FMN1: variants seen among roughly 807,000 people sequenced by gnomAD.
FMN1 encodes the protein formin-1.
Under a neutral mutation model 132.4 loss-of-function variants are expected in FMN1, and 110 were observed. The observed-to-expected ratio is 0.83, with a 90% CI of 0.71 to 0.97. The LOEUF (loss-of-function observed/expected upper bound fraction) is 0.97. Among genes scored for constraint, FMN1 ranks in the 50% least tolerant of loss-of-function variants. The pLI is 0.00. For synonymous variants in FMN1, 722 were observed against 651.7 expected (o/e 1.11, Z -1.64); for missense variants, 1,792 against 1,705.3 (o/e 1.05, Z -0.90).
intron 4 of FMN1, among the ~76,000 whole-genome samples, chr15:33,099,367 A>G (rs1011341321): frequency 1.3e-5 from 2 of 152,214 alleles, no homozygotes; most frequent in Non-Finnish European, 2.9e-5. Context: ...AATTGGCATC[A>G]GGAATCATGT....
At chr15:32,916,176 G>GCA (rs1166426279) in intron 10 of FMN1, among the ~76,000 whole-genome samples, 1 of 152,172 alleles carries the variant, frequency 6.6e-6, no homozygotes, top group African/African-American at 2.4e-5. Context: ...CTGCTTTAGG[G>GCA]CACATGCAAG....
At chr15:33,163,988 A>C (rs1173558895) in intron 3 of FMN1, among the ~76,000 whole-genome samples, 3 of 152,126 alleles carry the variant, frequency 2.0e-5, no homozygotes, top group African/African-American at 7.2e-5. Context: ...AGTAGCAAGG[A>C]AGGAGATATT....
intron 17 of FMN1, among the ~76,000 whole-genome samples, chr15:32,849,821 T>G (rs1020120993): frequency 1.3e-5 from 2 of 152,164 alleles, no homozygotes; most frequent in African/African-American, 4.8e-5. Flanking sequence ...CATGTCCGGC[T>G]AATTTTTGTA....
At chr15:32,908,922 G>C (rs1420017335) in intron 11 of FMN1, among the ~76,000 whole-genome samples, 1 of 152,178 alleles carries the variant, frequency 6.6e-6, no homozygotes, top group Admixed American at 6.5e-5. Flanking sequence ...TCTGTAAGGA[G>C]GCTGGGGGAA....
chr15:33,082,047 G>A (rs896516291), intron 5 of FMN1, among the ~76,000 whole-genome samples: 2 of 139,842 alleles, frequency 1.4e-5, no homozygotes, highest in Non-Finnish European at 3.2e-5. Flanking sequence ...GTGTGTGTGT[G>A]TGTGTGTAAG....
chr15:33,058,875 T>C (rs1486670689), intron 6 of FMN1, among the ~76,000 whole-genome samples: 1 of 152,258 alleles, frequency 6.6e-6, no homozygotes, highest in Non-Finnish European at 1.5e-5. Context: ...ATGCATCACC[T>C]TTCTTGCGTA....
intron 4 of FMN1, among the ~76,000 whole-genome samples, chr15:33,107,616 G>A (rs1433100826): frequency 6.6e-6 from 1 of 152,064 alleles, no homozygotes; most frequent in Non-Finnish European, 1.5e-5. Flanking sequence ...TCCCCAGGCT[G>A]TTAAATGGCT....
chr15:32,912,023 TTC>T (rs2060573709), intron 10 of FMN1, among the ~76,000 whole-genome samples: 1 of 152,186 alleles, frequency 6.6e-6, no homozygotes, highest in Non-Finnish European at 1.5e-5. Flanking sequence ...AATCTCAGTA[TTC>T]TCTCACAAAA....
chr15:32,914,957 C>T (rs369748992), intron 10 of FMN1, among the ~76,000 whole-genome samples: 35 of 152,318 alleles, frequency 2.3e-4, no homozygotes, highest in East Asian at 1.9e-3. Flanking sequence ...AACTTAGGGC[C>T]AATGCCAAGT....
intron 15 of FMN1, among the ~76,000 whole-genome samples, chr15:32,889,642 G>C (rs1286127850): frequency 1.3e-5 from 2 of 151,946 alleles, no homozygotes; most frequent in African/African-American, 4.8e-5. Flanking sequence ...ACACTTCCTT[G>C]TTCATACTCA....
At chr15:33,120,285 C>T (rs894621819) in intron 4 of FMN1, among the ~76,000 whole-genome samples, 8 of 152,168 alleles carry the variant, frequency 5.3e-5, no homozygotes, top group Non-Finnish European at 1.0e-4. Context: ...GCACACCCTG[C>T]TAAAGATAGC....
At chr15:33,024,941 T>C (rs2035597451) in intron 6 of FMN1, among the ~76,000 whole-genome samples, 1 of 152,096 alleles carries the variant, frequency 6.6e-6, no homozygotes, top group Non-Finnish European at 1.5e-5. Flanking sequence ...TAACAAACAT[T>C]ATTTTGAGAG....
chr15:33,027,750 G>T lies in FMN1; in HGVS notation c.2162-19675C>A, dbSNP rs2035749415. On this transcript the variant is annotated intron_variant, in intron 6 of 20. Transcript: ENST00000616417. Reference sequence around the variant, plus strand: ...TAAACAATAAAAGAACAAATGAAATGGAGACAACACACACACACGAATATA... The same window carrying T: ...TAAACAATAAAAGAACAAATGAAATTGAGACAACACACACACACGAATATA... Among the ~76,000 whole-genome samples, 3 of 152,232 alleles carry T rather than the reference G, an allele frequency of 2.0e-5. No individual in the cohort carries two copies. The South Asian group carries it at 6.2e-4, about 32-fold the overall frequency.
chr15:32,973,574 T>TCCCCCCCC (rs1244811951), intron 7 of FMN1, among the ~76,000 whole-genome samples: 1 of 142,700 alleles, frequency 7.0e-6, no homozygotes, highest in African/African-American at 2.8e-5. Context: ...TCTCTGCCCC[T>TCCCCCCCC]CACCCCCCCC....
At chr15:32,949,276 T>C (rs2061572772) in intron 9 of FMN1, among the ~76,000 whole-genome samples, 1 of 152,106 alleles carries the variant, frequency 6.6e-6, no homozygotes, top group African/African-American at 2.4e-5. Flanking sequence ...GGCATCACAC[T>C]ACCTGACTTC....
At position 32,953,502 on chromosome 15, in the gene FMN1, T is replaced by C. The variant is rs538649001; in HGVS notation, c.3138+10605A>G. Among the ~76,000 whole-genome samples, 3 of 152,300 alleles carry C rather than the reference T, an allele frequency of 2.0e-5. No individual in the cohort carries two copies. In the South Asian group the frequency reaches 6.2e-4, roughly 32 times the overall value. Reference sequence around the variant, plus strand: ...TTTGTAAGGTCCGTGTTTACAGCCATGCAAATTAGCCTCAGCTGGAGGGAA... The same window carrying C: ...TTTGTAAGGTCCGTGTTTACAGCCACGCAAATTAGCCTCAGCTGGAGGGAA... On this transcript the variant is annotated intron_variant, in intron 9 of 20. Coordinates refer to ENST00000616417, the MANE Select transcript of FMN1 (RefSeq NM_001277313.2).
At chr15:33,116,829 T>TG (rs2039946504) in intron 4 of FMN1, among the ~76,000 whole-genome samples, 1 of 152,202 alleles carries the variant, frequency 6.6e-6, no homozygotes, top group Non-Finnish European at 1.5e-5. Flanking sequence ...CATCTGACTT[T>TG]GGGCAGGTCC....
intron 10 of FMN1, among the ~76,000 whole-genome samples, chr15:32,922,252 C>A (rs1486057858): frequency 6.6e-6 from 1 of 152,134 alleles, no homozygotes; most frequent in Non-Finnish European, 1.5e-5. Flanking sequence ...GGCAAGCAGG[C>A]AGTTTTGTCC....
chr15:32,813,337 C>T (rs571083380), intron 17 of FMN1, among the ~76,000 whole-genome samples: 55 of 152,238 alleles, frequency 3.6e-4, no homozygotes, highest in Non-Finnish European at 6.2e-4. Context: ...TATCAAGTCA[C>T]AGTTCTAGGA....
Sources: gnomAD v4.1 joint callset for allele counts (sites outside exome capture counted in the v4.1 genomes callset) on GRCh38, gnomAD v4.1.1 for gene constraint, MANE v1.5 for transcripts, NCBI Gene and HGNC (gene_info 2026-07-23, HGNC 2026-07-21) for gene names.